Variants in CPA6 observed in about 807,000 individuals in gnomAD.
The protein encoded by CPA6 is carboxypeptidase B.
A neutral mutation model predicts 63.3 loss-of-function variants in CPA6; 58 were observed. The observed-to-expected ratio is 0.92, with a 90% confidence interval of 0.74 to 1.14. The LOEUF (loss-of-function observed/expected upper bound fraction) is 1.14. CPA6 is among the 50% of genes most tolerant of loss of function. The pLI, the probability that CPA6 is intolerant of heterozygous loss-of-function variation, is 0.00. For synonymous variants in CPA6, 185 were observed against 179.0 expected, an observed-to-expected ratio of 1.03 and a Z score of -0.27; for missense variants, 565 against 526.6, an observed-to-expected ratio of 1.07 and a Z score of -0.71.
At chr8:67,569,352 C>A in intron 2 of CPA6, 1 of 182,804 alleles carries the variant, frequency 5.5e-6, no homozygotes, top group South Asian at 1.2e-4. Context: ...AAGAAGACTG[C>A]CAATGAGGAA....
chr8:67,702,954 CTT>C (rs1817056696), intron 1 of CPA6, among the ~76,000 whole-genome samples: 1 of 152,178 alleles, frequency 6.6e-6, no homozygotes. Context: ...TCTTAATAAA[CTT>C]TCACTCCTAC....
intron 2 of CPA6, among the ~76,000 whole-genome samples, chr8:67,562,822 C>A (rs1363234174): frequency 6.6e-6 from 1 of 152,150 alleles, no homozygotes; most frequent in Non-Finnish European, 1.5e-5. Flanking sequence ...TACCCTGAAT[C>A]CAGAATTGTG....
rs561211730 is a variant in CPA6 at position 67,533,825 on chromosome 8, C to A, written c.193-15778G>T. 4.6e-5 allele frequency among the ~76,000 whole-genome samples: 7 copies of A among 152,288 alleles called. No homozygotes were observed. In the East Asian group the frequency reaches 1.4e-3, roughly 29 times the overall value. On this transcript the variant is annotated intron_variant, in intron 2 of 10. Transcript: ENST00000297770. ...CCTTCCTAAGTAGAATGTTTCCCTT[C>A]TTACTCTGAAGCACTGGCCCAGGGT...
intron 1 of CPA6, among the ~76,000 whole-genome samples, chr8:67,725,383 C>T (rs544602733): frequency 6.6e-6 from 1 of 152,280 alleles, no homozygotes; most frequent in South Asian, 2.1e-4. Flanking sequence ...TCAGTATATG[C>T]TGTTGTTGGT....
intron 2 of CPA6, among the ~76,000 whole-genome samples, chr8:67,607,124 C>T (rs10103569): frequency 1.1e-5 from 1 of 95,130 alleles, no homozygotes; most frequent in Non-Finnish European, 1.9e-5. Flanking sequence ...CCTCCTCCTC[C>T]TCCTCCTCCT....
At chr8:67,498,206 A>G (rs946999580) in intron 6 of CPA6, among the ~76,000 whole-genome samples, 2 of 152,022 alleles carry the variant, frequency 1.3e-5, no homozygotes, top group Non-Finnish European at 2.9e-5. Flanking sequence ...TGATGAATTT[A>G]GTGTCTGTGT....
chr8:67,427,948 T>C, intron 10 of CPA6, 99 bp downstream of exon 10: 1 of 760,294 alleles, frequency 1.3e-6, no homozygotes. Flanking sequence ...AAATTTTCAC[T>C]TTAGGGAGAA....
At chr8:67,714,713 A>G (rs1020989944) in intron 1 of CPA6, among the ~76,000 whole-genome samples, 1 of 152,170 alleles carries the variant, frequency 6.6e-6, no homozygotes, top group Admixed American at 6.5e-5. Flanking sequence ...TGCCTTCCTT[A>G]GCTCTCTCAG....
chr8:67,578,350 C>T (rs146692370), intron 2 of CPA6, among the ~76,000 whole-genome samples: 63 of 152,316 alleles, frequency 4.1e-4, no homozygotes, highest in East Asian at 3.9e-3. Context: ...ATGAATGATG[C>T]GGATCTCCTC....
intron 1 of CPA6, among the ~76,000 whole-genome samples, chr8:67,676,502 C>T (rs900671287): frequency 3.3e-5 from 5 of 152,196 alleles, no homozygotes; most frequent in African/African-American, 1.2e-4. Flanking sequence ...AAAGGCGTAG[C>T]TTGTGTCAGA....
chr8:67,648,427 C>G (rs956098647), intron 1 of CPA6, among the ~76,000 whole-genome samples: 12 of 152,118 alleles, frequency 7.9e-5, no homozygotes, highest in Non-Finnish European at 1.6e-4. Context: ...GGCTGTGCTG[C>G]ATCATACTGC....
chr8:67,625,571 G>T (rs1016869900), intron 1 of CPA6, among the ~76,000 whole-genome samples: 1 of 152,168 alleles, frequency 6.6e-6, no homozygotes, highest in Non-Finnish European at 1.5e-5. Flanking sequence ...GCATAGAGTA[G>T]ATGCTTATTA....
chr8:67,603,902 T>C (rs917084706), intron 2 of CPA6, among the ~76,000 whole-genome samples: 1 of 152,240 alleles, frequency 6.6e-6, no homozygotes, highest in Non-Finnish European at 1.5e-5. Flanking sequence ...TTTGTCCTTC[T>C]GATTAAAAAG....
At position 67,434,745 on chromosome 8, in the gene CPA6, C is replaced by T. The variant is rs549644576; in HGVS notation, c.839-505G>A. 4.6e-5 allele frequency among the ~76,000 whole-genome samples: 7 copies of T among 152,326 alleles called. No individual in the cohort carries two copies. The East Asian group carries it at 1.4e-3, about 29-fold the overall frequency. On this transcript the variant is annotated intron_variant, in intron 8 of 10. Coordinates refer to ENST00000297770, the MANE Select transcript of CPA6 (RefSeq NM_020361.5). ...GGCAGCAGCAGGCGGACCTCCAGTC[C>T]TCACTGCCCAGACCAACCCCTTCCT...
At chr8:67,670,796 T>C (rs1563386171) in intron 1 of CPA6, among the ~76,000 whole-genome samples, 1 of 152,130 alleles carries the variant, frequency 6.6e-6, no homozygotes, top group Non-Finnish European at 1.5e-5. Context: ...TGTGAAATGC[T>C]TTGCGGGCTG....
At chr8:67,573,785 G>A (rs1254543887) in intron 2 of CPA6, among the ~76,000 whole-genome samples, 2 of 150,370 alleles carry the variant, frequency 1.3e-5, no homozygotes, top group Non-Finnish European at 3.0e-5. Context: ...CCAGCTACTC[G>A]GGAGGCTGAG....
At position 67,600,501 on chromosome 8, in the gene CPA6, G is replaced by T. The variant is rs551795177; in HGVS notation, c.192+23675C>A. ...GTATTCCTGAAAATTGCTTAGAGAG[G>T]AGATGTTAAGTGTTCTCACTACAAA... On this transcript the variant is annotated intron_variant, in intron 2 of 10. Coordinates refer to ENST00000297770, the MANE Select transcript of CPA6 (RefSeq NM_020361.5). 9.7e-4 allele frequency among the ~76,000 whole-genome samples: 147 copies of T among 152,230 alleles called. 1 individual carries two copies. The highest frequency in any genetic ancestry group is 3.4e-3 in the African/African-American group (143 of 41,534).
At chr8:67,660,252 G>A (rs150726807) in intron 1 of CPA6, among the ~76,000 whole-genome samples, 122 of 151,778 alleles carry the variant, frequency 8.0e-4, no homozygotes, top group Middle Eastern at 3.4e-3. Flanking sequence ...CTACTAGTAG[G>A]GTGGTGAGAA....
At chr8:67,521,765 A>G (rs1284890646) in intron 2 of CPA6, among the ~76,000 whole-genome samples, 1 of 152,196 alleles carries the variant, frequency 6.6e-6, no homozygotes, top group Admixed American at 6.5e-5. Context: ...CAGTTGCAGG[A>G]AAGTTTCCTA....
Sources: allele counts gnomAD v4.1 joint callset (sites outside exome capture counted in the v4.1 genomes callset), GRCh38; gene constraint gnomAD v4.1.1; transcripts MANE v1.5; gene names NCBI Gene and HGNC (gene_info 2026-07-23, HGNC 2026-07-21).